Variants in TANGO6 observed in about 807,000 individuals in gnomAD.
The protein encoded by TANGO6 is transport and Golgi organization protein 6 homolog.
Under a neutral mutation model 114.2 loss-of-function variants are expected in TANGO6, and 90 were observed. The ratio of observed to expected loss-of-function variants is 0.79; its 90% CI spans 0.66 to 0.94. The LOEUF is 0.94. Among genes scored for constraint, TANGO6 ranks in the 40% least tolerant of loss-of-function variants. TANGO6 has a pLI of 0.00. For synonymous variants in TANGO6, 477 were observed against 509.8 expected, an observed-to-expected ratio of 0.94 and a Z score of 0.87; for missense variants, 1,274 against 1,315.3, an observed-to-expected ratio of 0.97 and a Z score of 0.49.
chr16:69,030,799 C>T (rs1213896620), intron 16 of TANGO6, among the ~76,000 whole-genome samples: 3 of 151,950 alleles, frequency 2.0e-5, no homozygotes, highest in Non-Finnish European at 4.4e-5. Context: ...CGCCTGTAAT[C>T]CCAGCACTTT....
intron 14 of TANGO6, among the ~76,000 whole-genome samples, chr16:68,954,554 C>T (rs183781699): frequency 4.6e-5 from 7 of 152,306 alleles, no homozygotes; most frequent in African/African-American, 7.2e-5. Flanking sequence ...AGGCTATGTA[C>T]GTGCCTAGCG....
intron 14 of TANGO6, among the ~76,000 whole-genome samples, chr16:68,946,168 A>C (rs1443939620): frequency 1.3e-5 from 2 of 151,664 alleles, no homozygotes; most frequent in Non-Finnish European, 2.9e-5. Flanking sequence ...CTTTCAATGA[A>C]GTCTAATTTC....
chr16:68,979,989 G>A (rs550332019), intron 15 of TANGO6, among the ~76,000 whole-genome samples: 1 of 151,694 alleles, frequency 6.6e-6, no homozygotes, highest in Non-Finnish European at 1.5e-5. Flanking sequence ...GACTACAGAT[G>A]TGTGCCACCA....
At chr16:68,933,560 G>T (rs1230482124) in intron 14 of TANGO6, among the ~76,000 whole-genome samples, 1 of 152,222 alleles carries the variant, frequency 6.6e-6, no homozygotes, top group Non-Finnish European at 1.5e-5. Flanking sequence ...TCTCAGGCCA[G>T]CTGTGGTAGC....
At chr16:68,978,074 G>T (rs988478409) in intron 15 of TANGO6, among the ~76,000 whole-genome samples, 1 of 152,164 alleles carries the variant, frequency 6.6e-6, no homozygotes, top group Non-Finnish European at 1.5e-5. Context: ...TCTAAAACAT[G>T]CCAGACAAGT....
intron 15 of TANGO6, among the ~76,000 whole-genome samples, chr16:69,005,926 T>A (rs1964088245): frequency 6.6e-6 from 1 of 152,188 alleles, no homozygotes; most frequent in Non-Finnish European, 1.5e-5. Context: ...CTTGCCTCTG[T>A]TAAGAAACTT....
intron 14 of TANGO6, among the ~76,000 whole-genome samples, chr16:68,963,344 G>A (rs1397440937): frequency 6.6e-6 from 1 of 152,054 alleles, no homozygotes; most frequent in Non-Finnish European, 1.5e-5. Context: ...TTGAACTCCT[G>A]ACCCTAAAGT....
chr16:68,940,934 G>A (rs1567544881), intron 14 of TANGO6, among the ~76,000 whole-genome samples: 1 of 152,262 alleles, frequency 6.6e-6, no homozygotes, highest in South Asian at 2.1e-4. Flanking sequence ...GAAGCCAAAC[G>A]AAGGCAGACT....
chr16:68,906,559 C>T (rs923473386), intron 9 of TANGO6, among the ~76,000 whole-genome samples: 3 of 151,956 alleles, frequency 2.0e-5, no homozygotes, highest in Non-Finnish European at 4.4e-5. Context: ...AATAGTAATT[C>T]TCCAACATCC....
At chr16:68,868,529 G>A (rs1194613995) in intron 4 of TANGO6, among the ~76,000 whole-genome samples, 2 of 124,428 alleles carry the variant, frequency 1.6e-5, no homozygotes, top group East Asian at 2.3e-4. Context: ...ACAGAGTCTC[G>A]CTCTTTCACC....
intron 15 of TANGO6, among the ~76,000 whole-genome samples, chr16:69,020,212 A>G (rs571950872): frequency 6.6e-6 from 1 of 152,260 alleles, no homozygotes; most frequent in African/African-American, 2.4e-5. Flanking sequence ...TTGATCCCCA[A>G]CTTGATCAGG....
In TANGO6 at chr16:68,952,895, C is replaced by G. The variant is rs75027284; in HGVS notation, c.2702-21133C>G. Among the ~76,000 whole-genome samples, 14 of 152,110 alleles carry G rather than the reference C, an allele frequency of 9.2e-5. No homozygotes were observed. The East Asian group carries it at 2.5e-3, about 27-fold the overall frequency. ...TTAGGAGAAAGCTGTTTTAGAATCA[C>G]TTTTGTACTTTGTGTTCAACTTTTG... On this transcript the variant is annotated intron_variant, in intron 14 of 17. Coordinates refer to ENST00000261778, the MANE Select transcript of TANGO6 (RefSeq NM_024562.2).
intron 14 of TANGO6, among the ~76,000 whole-genome samples, chr16:68,943,873 G>A (rs1296076025): frequency 1.3e-5 from 2 of 152,230 alleles, no homozygotes; most frequent in East Asian, 3.9e-4. Flanking sequence ...TACTTAAATT[G>A]TCAGCATGCC....
chr16:68,843,575 G>A lies in TANGO6; in HGVS notation c.-43G>A, dbSNP rs767826819. 3.8e-6 allele frequency: 6 copies of A among 1,584,180 alleles called. No homozygotes were observed. In the South Asian group the frequency reaches 6.7e-5, roughly 18 times the overall value. ...AACATGGCGGCGGCGGCGCCCTGCC[G>A]AGGCGCCTGAGCGGGTCGCGAGCGT... On this transcript the variant is annotated 5_prime_UTR_variant, in exon 1 of 18. Transcript: ENST00000261778.
At chr16:69,052,155 CCA>C (rs1213050154) in intron 17 of TANGO6, among the ~76,000 whole-genome samples, 2 of 151,492 alleles carry the variant, frequency 1.3e-5, no homozygotes, top group African/African-American at 4.8e-5. Flanking sequence ...CCTATATTGC[CCA>C]GGCTAGTCGT....
Position 68,900,511 on chromosome 16 carries a change from C to T in TANGO6, c.1455C>T (p.Leu485=). Reference sequence around the variant, plus strand: ...CAGTCCTGGGAGTGCTTTTTCTTCTCTACTGTTTTACTAAGCAGAGTGTGT... The same window carrying T: ...CAGTCCTGGGAGTGCTTTTTCTTCTTTACTGTTTTACTAAGCAGAGTGTGT... ...LLPVLGVLFL[L]YCFTKQSVSH... The change falls in exon 8 of 18, where the codon CTC becomes CTT. Residue 485 remains leucine, a synonymous_variant. Transcript: ENST00000261778. The T allele has an allele frequency of 6.2e-7, 1 of 1,613,924 alleles. No individual in the cohort carries two copies. Among genetic ancestry groups the T allele is most frequent in the South Asian group, 1.1e-5 (1 of 91,072 alleles).
intron 16 of TANGO6, among the ~76,000 whole-genome samples, chr16:69,037,033 G>A (rs940194901): frequency 2.0e-5 from 3 of 151,722 alleles, no homozygotes; most frequent in Non-Finnish European, 4.4e-5. Context: ...CTACTAGGGA[G>A]GCTGAGGTGG....
At chr16:68,924,799 G>A (rs6499208) in intron 12 of TANGO6, among the ~76,000 whole-genome samples, 93,749 of 150,156 alleles carry the variant, frequency 0.62, 31,136 homozygotes, top group African/African-American at 0.88. Flanking sequence ...TCAAAAAAAA[G>A]AAAACAGAAA....
chr16:68,922,006 G>A (rs1246149644), intron 12 of TANGO6, among the ~76,000 whole-genome samples: 1 of 152,028 alleles, frequency 6.6e-6, no homozygotes, highest in Non-Finnish European at 1.5e-5. Flanking sequence ...AAATGTCATG[G>A]TTCTGAATTG....
Sources: gnomAD v4.1 joint callset for allele counts (sites outside exome capture counted in the v4.1 genomes callset) on GRCh38, gnomAD v4.1.1 for gene constraint, MANE v1.5 for transcripts, NCBI Gene and HGNC (gene_info 2026-07-23, HGNC 2026-07-21) for gene names.